The following CALM2 variants were observed in gnomAD, a reference collection of about 807,000 sequenced individuals.
CALM2 encodes calmodulin 2, also known as calmodulin-2.
Under a neutral mutation model 19.8 loss-of-function variants are expected in CALM2, and 2 were observed. The ratio of observed to expected loss-of-function variants is 0.10; its 90% confidence interval spans 0.04 to 0.32. CALM2 has a LOEUF of 0.32. Ranked by LOEUF, CALM2 falls within the 10% of genes least tolerant of loss-of-function variation. The pLI is 1.00. For missense variants in CALM2, 38 were observed against 178.7 expected, an observed-to-expected ratio of 0.21 and a Z score of 4.49; for synonymous variants, 51 against 52.1, an observed-to-expected ratio of 0.98 and a Z score of 0.09.
Position 47,160,319 on chromosome 2 carries a change from CA to C in CALM2, c.*456del. 6.5e-6 allele frequency: 1 copy of C among 153,468 alleles called. No homozygotes were observed. Among genetic ancestry groups the C allele is most frequent in the Non-Finnish European group, 1.5e-5 (1 of 68,626 alleles). The allele number at this position is 153,468 out of a possible 1,614,324, so 9.5% of individuals were successfully genotyped here. A position where few individuals can be genotyped will look rare whatever the true frequency, so the allele number is the denominator to read the frequency against. ...TGTTTCTGGTACAGGACCAGCAGTA[CA>C]AAAAAATAGTGTACGAGTACCTGGA... is the stretch of plus-strand genomic sequence containing the variant. On this transcript the variant is annotated 3_prime_UTR_variant, in exon 6 of 6. Transcript: ENST00000272298.
chr2:47,168,113 T>C (rs1666548307), intron 2 of CALM2, among the ~76,000 whole-genome samples: 2 of 152,112 alleles, frequency 1.3e-5, no homozygotes, highest in Admixed American at 6.5e-5. Flanking sequence ...GAATATTCAA[T>C]GATTACTATG....
At chr2:47,174,833 A>T (rs1666794537) in intron 1 of CALM2, among the ~76,000 whole-genome samples, 1 of 152,262 alleles carries the variant, frequency 6.6e-6, no homozygotes, top group Admixed American at 6.5e-5. Flanking sequence ...AAATGTAACC[A>T]GCACATTCAA....
upstream of CALM2, chr2:47,176,511 T>TAATTCGCCTCCTCCGCCCC (rs1282123808): frequency 1.2e-6 from 2 of 1,604,910 alleles, no homozygotes; most frequent in African/African-American, 1.3e-5. Flanking sequence ...CCACTCGGAC[T>TAATTCGCCTCCTCCGCCCC]AATTCGCCTC....
Position 47,162,188 on chromosome 2 carries a change from A to C in CALM2, c.285+98T>G, listed in dbSNP as rs1231941532. On this transcript the variant is annotated intron_variant, in intron 4 of 5. Coordinates refer to ENST00000272298, the MANE Select transcript of CALM2 (RefSeq NM_001743.6). Reference sequence around the variant, plus strand: ...TAAATCATCAAAAAAAAAAAAAAAAAAAAAAAAAAAAACAACCAAAAAAAC... The same window carrying C: ...TAAATCATCAAAAAAAAAAAAAAAACAAAAAAAAAAAACAACCAAAAAAAC... The C allele has an allele frequency of 1.0e-4, 46 of 461,198 alleles. 1 individual carries two copies. Among genetic ancestry groups the C allele is most frequent in the African/African-American group, 8.0e-4 (37 of 46,380 alleles). 28.6% of individuals were successfully genotyped at this position (461,198 alleles called of 1,614,324 possible).
chr2:47,167,553 G>T (rs1276025021), intron 2 of CALM2: 5 of 184,156 alleles, frequency 2.7e-5, no homozygotes, highest in Non-Finnish European at 5.9e-5. Flanking sequence ...AACTAGCCGG[G>T]TGTGGTGGTG....
upstream of CALM2, chr2:47,176,935 C>T (rs577921392): frequency 1.0e-6 from 1 of 985,388 alleles, no homozygotes; most frequent in East Asian, 1.1e-4. Flanking sequence ...GTCCTGGCAA[C>T]TGCGCCAGGC....
rs987299690 is a variant in CALM2, at chr2:47,176,294, C to T, written c.3+147G>A. 27 of 937,978 alleles carry T rather than the reference C, an allele frequency of 2.9e-5. No individual in the cohort carries two copies. The South Asian group carries it at 3.1e-4, about 11-fold the overall frequency. 58.1% of individuals were successfully genotyped at this position (937,978 alleles called of 1,614,324 possible). ...GGGAGCACCTGCGACACAACCGTCG[C>T]CGGCATCCCTGGCCTCTTTCGCGCC... is the stretch of plus-strand genomic sequence containing the variant. On this transcript the variant is annotated intron_variant, in intron 1 of 5. Transcript: ENST00000272298.
At position 47,172,423 on chromosome 2, in the gene CALM2, T is replaced by C. The variant is rs574014554; in HGVS notation, c.4-1659A>G. ...GAATAACAATACTTACCTTGCAGGG[T>C]TGTTGTGCAAAGTGAGATGCTATGT... On this transcript the variant is annotated intron_variant, in intron 1 of 5. Transcript: ENST00000272298. The C allele has an allele frequency of 1.1e-4, 82 of 753,000 alleles. 1 individual carries two copies. The East Asian group carries it at 1.6e-3, about 15-fold the overall frequency. 46.6% of individuals were successfully genotyped at this position (753,000 alleles called of 1,614,324 possible).
chr2:47,161,966 T>C, intron 4 of CALM2, 108 bp from the exon 5 acceptor site: 1 of 908,444 alleles, frequency 1.1e-6, no homozygotes, highest in Non-Finnish European at 1.7e-6. Context: ...AAAACATACT[T>C]TAGAAATGCA....
At position 47,162,592 on chromosome 2, in the gene CALM2, A is replaced by G. The variant is rs751977184; in HGVS notation, c.105T>C (p.Thr35=). The G allele has an allele frequency of 1.9e-6, 3 of 1,613,550 alleles. No individual in the cohort carries two copies. The highest frequency in any genetic ancestry group is 2.5e-6 in the Non-Finnish European group (3 of 1,179,534). ...GATTCTGCCCAAGAGATCTCATTAC[A>G]GTTCCCAATTCCTTTGTTGTTATAG... is the stretch of plus-strand genomic sequence containing the variant. The part of the protein sequence containing the change: ...DGTITTKELG[T]VMRSLGQNPT... Residue 35 remains threonine (T), a synonymous_variant, in exon 3 of 6, where the codon ACT becomes ACC. Coordinates refer to ENST00000272298, the MANE Select transcript of CALM2 (RefSeq NM_001743.6).
intron 1 of CALM2, among the ~76,000 whole-genome samples, chr2:47,175,762 G>A (rs1666839115): frequency 6.7e-6 from 1 of 148,526 alleles, no homozygotes; most frequent in African/African-American, 2.4e-5. Flanking sequence ...CAGAGCAGCT[G>A]GAGCTCGAGC....
At chr2:47,164,999 T>C (rs959414225) in intron 2 of CALM2, among the ~76,000 whole-genome samples, 2 of 152,200 alleles carry the variant, frequency 1.3e-5, no homozygotes, top group Non-Finnish European at 2.9e-5. Context: ...TAAAACTAAA[T>C]TGAAACCTTA....
intron 2 of CALM2, among the ~76,000 whole-genome samples, chr2:47,170,404 G>C (rs949142956): frequency 6.6e-6 from 1 of 151,986 alleles, no homozygotes; most frequent in Non-Finnish European, 1.5e-5. Flanking sequence ...CTTTTCTAGC[G>C]TGTTAGCTAG....
upstream of CALM2, chr2:47,176,675 A>G: frequency 1.4e-6 from 2 of 1,430,250 alleles, no homozygotes; most frequent in Non-Finnish European, 1.8e-6. Flanking sequence ...ATGAGGCAAG[A>G]GATCAAGGAA....
chr2:47,168,796 G>A lies in CALM2; in HGVS notation c.34+1938C>T, dbSNP rs1320192156. 4.2e-5 allele frequency among the ~76,000 whole-genome samples: 5 copies of A among 118,808 alleles called. No homozygotes were observed. The Admixed American group carries it at 4.3e-4, about 10-fold the overall frequency. 77.9% of individuals were successfully genotyped at this position (118,808 alleles called of 152,430 possible). ...AATAGACACAAACTTTTTTTTTTTTGAGGCAAAGTCTCGCTCTGTTGCCCA... is the reference window on the plus strand; with the variant it reads ...AATAGACACAAACTTTTTTTTTTTTAAGGCAAAGTCTCGCTCTGTTGCCCA... On this transcript the variant is annotated intron_variant, in intron 2 of 5. Transcript: ENST00000272298.
At chr2:47,170,891 C>T in intron 1 of CALM2, 127 bp from the exon 2 acceptor site, 2 of 774,286 alleles carry the variant, frequency 2.6e-6, no homozygotes, top group Admixed American at 3.7e-5. Flanking sequence ...ACAAACACAT[C>T]TGGATAGAAA....
At chr2:47,164,361 C>T (rs1387942290) in intron 2 of CALM2, among the ~76,000 whole-genome samples, 1 of 6,888 alleles carries the variant, frequency 1.5e-4, no homozygotes, top group Non-Finnish European at 2.7e-4. Flanking sequence ...CACACACACA[C>T]ACACACACAC....
In CALM2 at chr2:47,170,750, A is replaced by G. The variant is rs1370741943; in HGVS notation, c.18T>C (p.Thr6=). MADQL[T]EEQIAEFKEA... ...ATTTCTCACCTGCAATCTGCTCTTCAGTCAGTTGGTCAGCCTACAAAGAGA... is the reference window on the plus strand; with the variant it reads ...ATTTCTCACCTGCAATCTGCTCTTCGGTCAGTTGGTCAGCCTACAAAGAGA... The change falls in exon 2 of 6, where the codon ACT becomes ACC. Residue 6 remains threonine (T), a synonymous_variant. Transcript: ENST00000272298. The G allele has an allele frequency of 2.5e-6, 4 of 1,613,332 alleles. No homozygotes were observed. The highest frequency in any genetic ancestry group is 3.4e-6 in the Non-Finnish European group (4 of 1,179,290).
chr2:47,161,954 GA>G, intron 4 of CALM2, 96 bp from the exon 5 acceptor site: 3 of 1,026,824 alleles, frequency 2.9e-6, no homozygotes, highest in South Asian at 3.1e-5. Context: ...CACATTGGGG[GA>G]AAAACATACT....
Sources: gnomAD v4.1 joint callset for allele counts (sites outside exome capture counted in the v4.1 genomes callset) on GRCh38, gnomAD v4.1.1 for gene constraint, MANE v1.5 for transcripts, NCBI Gene and HGNC (gene_info 2026-07-23, HGNC 2026-07-21) for gene names.